CCDC60: variants seen among roughly 807,000 people sequenced by gnomAD.
CCDC60 encodes coiled-coil domain-containing protein 60.
In CCDC60, 54 loss-of-function variants were observed where a neutral mutation model predicts 63.5. The observed-to-expected ratio is 0.85, with a 90% CI of 0.68 to 1.07. CCDC60 has a LOEUF of 1.07. CCDC60 is among the 50% of genes least tolerant of loss of function. The pLI is 0.00. For synonymous variants in CCDC60, 206 were observed against 238.8 expected (o/e 0.86, Z 1.27); for missense variants, 651 against 684.3 (o/e 0.95, Z 0.54).
At chr12:119,412,765 C>CA (rs1291044027) in intron 1 of CCDC60, among the ~76,000 whole-genome samples, 5 of 56,648 alleles carry the variant, frequency 8.8e-5, no homozygotes, top group Non-Finnish European at 1.7e-4. Flanking sequence ...AGCCCCCCAC[C>CA]CCCCCCCACC....
At chr12:119,506,140 C>A (rs978052548) in intron 7 of CCDC60, among the ~76,000 whole-genome samples, 2 of 152,104 alleles carry the variant, frequency 1.3e-5, no homozygotes, top group African/African-American at 4.8e-5. Context: ...GAAAGAAAAC[C>A]TTCTGCCCTT....
chr12:119,389,149 T>G (rs1465259281), intron 1 of CCDC60, among the ~76,000 whole-genome samples: 2 of 152,160 alleles, frequency 1.3e-5, no homozygotes, highest in Non-Finnish European at 2.9e-5. Flanking sequence ...GGCAATGCCT[T>G]AAGGAGCATC....
In CCDC60 at chr12:119,469,296, G is replaced by A. The variant is rs558457194; in HGVS notation, c.171-2698G>A. Among the ~76,000 whole-genome samples, 166 of 152,244 alleles carry A rather than the reference G, an allele frequency of 1.1e-3. 1 individual carries two copies. The South Asian group carries it at 0.014, about 13-fold the overall frequency. On this transcript the variant is annotated intron_variant, in intron 2 of 13. Coordinates refer to ENST00000327554, the MANE Select transcript of CCDC60 (RefSeq NM_178499.5). ...GAGTCTCACTCTGTCACTCAGGCTG[G>A]AGTGCAGTGGCGTGATCTCAGCTAA...
chr12:119,540,798 C>T lies in CCDC60; in HGVS notation c.*83C>T, dbSNP rs1483472220. The T allele has an allele frequency of 9.7e-6, 9 of 924,828 alleles. No individual in the cohort carries two copies. Among genetic ancestry groups the T allele is most frequent in the African/African-American group, 8.1e-5 (5 of 61,698 alleles). 57.3% of individuals were successfully genotyped at this position (924,828 alleles called of 1,614,324 possible). On this transcript the variant is annotated 3_prime_UTR_variant, in exon 14 of 14. Coordinates refer to ENST00000327554, the MANE Select transcript of CCDC60 (RefSeq NM_178499.5). Reference sequence around the variant, plus strand: ...CTGTATCCTGCCTGTGTTCCTGCCTCCTGACTACCCTCATGGATGCTCTTT... The same window carrying T: ...CTGTATCCTGCCTGTGTTCCTGCCTTCTGACTACCCTCATGGATGCTCTTT...
At chr12:119,425,016 G>GA (rs11356472) in intron 1 of CCDC60, among the ~76,000 whole-genome samples, 47 of 149,960 alleles carry the variant, frequency 3.1e-4, no homozygotes, top group Middle Eastern at 3.4e-3. Flanking sequence ...GGTGACATTT[G>GA]AAAAAAAAAA....
chr12:119,392,063 T>C (rs569205933), intron 1 of CCDC60, among the ~76,000 whole-genome samples: 2 of 152,146 alleles, frequency 1.3e-5, no homozygotes, highest in Non-Finnish European at 2.9e-5. Context: ...CCCTCAATCA[T>C]AAGTAACATA....
intron 2 of CCDC60, among the ~76,000 whole-genome samples, chr12:119,450,721 G>T (rs937085082): frequency 6.6e-5 from 10 of 152,166 alleles, no homozygotes; most frequent in African/African-American, 2.2e-4. Context: ...GCTAGGCTTT[G>T]GTGGTGCGTG....
chr12:119,452,045 T>C lies in CCDC60; in HGVS notation c.171-19949T>C, dbSNP rs1950643527. ...AGGGATGAGGAGAGGGGTGGAAGAATGAGTATAATATGGTGTCTGCCTCCA... is the reference window on the plus strand; with the variant it reads ...AGGGATGAGGAGAGGGGTGGAAGAACGAGTATAATATGGTGTCTGCCTCCA... On this transcript the variant is annotated intron_variant, in intron 2 of 13. Coordinates refer to ENST00000327554, the MANE Select transcript of CCDC60 (RefSeq NM_178499.5). Among the ~76,000 whole-genome samples, 3 of 152,176 alleles carry C rather than the reference T, an allele frequency of 2.0e-5. No homozygotes were observed. In the South Asian group the frequency reaches 6.2e-4, roughly 32 times the overall value.
At chr12:119,430,683 T>TAAAAAAAAA (rs1555241081) in intron 2 of CCDC60, among the ~76,000 whole-genome samples, 1 of 55,140 alleles carries the variant, frequency 1.8e-5, no homozygotes. Context: ...AAAAAAAAAG[T>TAAAAAAAAA]CACATGAGTC....
intron 1 of CCDC60, among the ~76,000 whole-genome samples, chr12:119,346,796 CTTTCTTTCTT>C (rs1386861843): frequency 8.0e-6 from 1 of 124,936 alleles, no homozygotes; most frequent in Non-Finnish European, 1.8e-5. Flanking sequence ...TTCTTTCTTT[CTTTCTTTCTT>C]TCTTTCTTTC....
At chr12:119,385,673 G>C (rs1956052507) in intron 1 of CCDC60, among the ~76,000 whole-genome samples, 1 of 152,164 alleles carries the variant, frequency 6.6e-6, no homozygotes, top group Non-Finnish European at 1.5e-5. Context: ...AATACAAAAG[G>C]GCAGGGAGAT....
At chr12:119,352,230 T>C (rs746801549) in intron 1 of CCDC60, among the ~76,000 whole-genome samples, 25 of 152,210 alleles carry the variant, frequency 1.6e-4, no homozygotes, top group Non-Finnish European at 2.6e-4. Context: ...TCCACCCACA[T>C]GATCCAGTCG....
intron 7 of CCDC60, among the ~76,000 whole-genome samples, chr12:119,516,375 G>A (rs1952353834): frequency 1.3e-5 from 2 of 152,180 alleles, no homozygotes; most frequent in South Asian, 4.1e-4. Context: ...CAAAGTACTG[G>A]CATTACAGGC....
At chr12:119,509,403 G>A (rs910771222) in intron 7 of CCDC60, among the ~76,000 whole-genome samples, 1 of 152,142 alleles carries the variant, frequency 6.6e-6, no homozygotes. Flanking sequence ...CCAGGAGTTC[G>A]AGATTAGCCT....
intron 3 of CCDC60, among the ~76,000 whole-genome samples, chr12:119,478,221 A>G (rs534575860): frequency 4.6e-5 from 7 of 152,182 alleles, no homozygotes; most frequent in African/African-American, 1.7e-4. Flanking sequence ...AGGCTGAGGC[A>G]CGAGAATTGC....
chr12:119,488,944 A>C (rs1004095635), intron 5 of CCDC60, 78 bp downstream of exon 5: 3 of 1,190,022 alleles, frequency 2.5e-6, no homozygotes, highest in Non-Finnish European at 2.5e-6. Context: ...ATGTTCTTCC[A>C]CTCCCTTTGC....
intron 2 of CCDC60, among the ~76,000 whole-genome samples, chr12:119,438,186 T>A (rs1386126713): frequency 2.0e-5 from 3 of 152,216 alleles, no homozygotes; most frequent in Non-Finnish European, 4.4e-5. Context: ...GTGAGTTTTT[T>A]TTCTCTGCCT....
intron 6 of CCDC60, among the ~76,000 whole-genome samples, chr12:119,503,305 T>A (rs1265325270): frequency 6.6e-6 from 1 of 152,216 alleles, no homozygotes; most frequent in South Asian, 2.1e-4. Flanking sequence ...TCTGATATCA[T>A]CTCTCCCCAG....
chr12:119,343,866 C>CA (rs1032443052), intron 1 of CCDC60, among the ~76,000 whole-genome samples: 1 of 151,684 alleles, frequency 6.6e-6, no homozygotes, highest in Non-Finnish European at 1.5e-5. Context: ...CATTCTCCTG[C>CA]AAAAAACAAC....
Sources: allele counts gnomAD v4.1 joint callset (sites outside exome capture counted in the v4.1 genomes callset), GRCh38; gene constraint gnomAD v4.1.1; transcripts MANE v1.5; gene names NCBI Gene and HGNC (gene_info 2026-07-23, HGNC 2026-07-21).